Variants in HIBADH observed in about 807,000 individuals in gnomAD.
The protein encoded by HIBADH is 3-hydroxyisobutyrate dehydrogenase, also known as 3-hydroxyisobutyrate dehydrogenase, mitochondrial.
In HIBADH, 25 loss-of-function variants were observed where a neutral mutation model predicts 36.1. The ratio of observed to expected loss-of-function variants is 0.69; its 90% confidence interval spans 0.50 to 0.97. HIBADH has a LOEUF of 0.97. Among genes scored for constraint, HIBADH ranks in the 50% least tolerant of loss-of-function variants. The pLI is 0.00. For missense variants in HIBADH, 421 were observed against 418.0 expected (o/e 1.01, Z -0.06); for synonymous variants, 160 against 149.5 (o/e 1.07, Z -0.51).
At chr7:27,619,780 TAAAA>T (rs946917886) in intron 4 of HIBADH, among the ~76,000 whole-genome samples, 1 of 151,936 alleles carries the variant, frequency 6.6e-6, no homozygotes, top group Non-Finnish European at 1.5e-5. Flanking sequence ...AATAAAGAAT[TAAAA>T]AGAATGAGTA....
chr7:27,575,137 T>C (rs1212929562), intron 4 of HIBADH, among the ~76,000 whole-genome samples: 2 of 152,222 alleles, frequency 1.3e-5, no homozygotes, highest in African/African-American at 2.4e-5. Context: ...CCAGATACTC[T>C]GCCAAATAGG....
chr7:27,650,730 AG>A lies in HIBADH; in HGVS notation c.92-1098del, dbSNP rs1219655822. ...CTGCCATTAAAAAAAAAAAAAAAAA[AG>A]CCTTAAAAACTACACAGGTTTTATT... On this transcript the variant is annotated intron_variant, in intron 1 of 7. Coordinates refer to ENST00000265395, the MANE Select transcript of HIBADH (RefSeq NM_152740.4). Among the ~76,000 whole-genome samples the A allele has an allele frequency of 5.9e-4, 64 of 108,648 alleles. No individual in the cohort carries two copies. In the East Asian group the frequency reaches 9.5e-3, roughly 16 times the overall value. 71.3% of individuals were successfully genotyped at this position (108,648 alleles called of 152,430 possible).
chr7:27,540,657 C>T (rs1321128020), intron 5 of HIBADH, among the ~76,000 whole-genome samples: 1 of 152,148 alleles, frequency 6.6e-6, no homozygotes, highest in Non-Finnish European at 1.5e-5. Context: ...TCCACAGTGA[C>T]AATCCTTCCC....
intron 4 of HIBADH, among the ~76,000 whole-genome samples, chr7:27,621,260 T>C (rs1785536885): frequency 6.6e-6 from 1 of 151,998 alleles, no homozygotes; most frequent in Non-Finnish European, 1.5e-5. Flanking sequence ...GAAAGAGAGA[T>C]CCAATAATAG....
intron 4 of HIBADH, among the ~76,000 whole-genome samples, chr7:27,545,821 TA>T (rs1358170933): frequency 5.9e-5 from 9 of 152,216 alleles, no homozygotes; most frequent in African/African-American, 2.2e-4. Context: ...TCCTCCATTA[TA>T]AACTTCCTAA....
intron 7 of HIBADH, among the ~76,000 whole-genome samples, chr7:27,530,298 C>G (rs13241127): frequency 0.15 from 23,412 of 152,008 alleles, 1,987 homozygotes; most frequent in Middle Eastern, 0.2. Context: ...CTCCACCTCC[C>G]GGGTTCAAGC....
chr7:27,597,412 C>T (rs140220032), intron 4 of HIBADH, among the ~76,000 whole-genome samples: 2,021 of 150,740 alleles, frequency 0.013, 15 homozygotes, highest in Middle Eastern at 0.034. Flanking sequence ...TTATTGGGTA[C>T]CAAAGTGTAG....
At position 27,621,728 on chromosome 7, in the gene HIBADH, G is replaced by A. The variant is rs527250894; in HGVS notation, c.484+7643C>T. Among the ~76,000 whole-genome samples the A allele has an allele frequency of 4.6e-4, 70 of 152,300 alleles. 1 individual carries two copies. In the South Asian group the frequency reaches 7.5e-3, roughly 16 times the overall value. On this transcript the variant is annotated intron_variant, in intron 4 of 7. Transcript: ENST00000265395. ...AATCGCTTGAACCTGGGATGTGGAG[G>A]TTGCAGTGAGCCGGGATGGCACCAC...
At chr7:27,588,431 T>C (rs77458801) in intron 4 of HIBADH, among the ~76,000 whole-genome samples, 32 of 152,286 alleles carry the variant, frequency 2.1e-4, no homozygotes, top group Admixed American at 1.9e-3. Context: ...TGGGCTCAAG[T>C]GATCCTCCTG....
At chr7:27,616,737 C>T (rs1167368839) in intron 4 of HIBADH, among the ~76,000 whole-genome samples, 1 of 152,016 alleles carries the variant, frequency 6.6e-6, no homozygotes, top group Non-Finnish European at 1.5e-5. Context: ...GCTGGAATTA[C>T]AGGCATGAGC....
At chr7:27,618,036 T>G (rs1167515148) in intron 4 of HIBADH, among the ~76,000 whole-genome samples, 1 of 152,206 alleles carries the variant, frequency 6.6e-6, no homozygotes, top group African/African-American at 2.4e-5. Flanking sequence ...TGTCTGGGGC[T>G]GTGAGAAATG....
chr7:27,530,673 GAGA>G (rs1218045777), intron 7 of HIBADH, among the ~76,000 whole-genome samples: 9 of 152,126 alleles, frequency 5.9e-5, no homozygotes, highest in African/African-American at 1.7e-4. Context: ...TCTCAAATAA[GAGA>G]AGGATGACAG....
At chr7:27,657,829 A>G (rs770443603) in intron 1 of HIBADH, among the ~76,000 whole-genome samples, 2 of 152,200 alleles carry the variant, frequency 1.3e-5, no homozygotes, top group Non-Finnish European at 2.9e-5. Flanking sequence ...CAAGTTACTT[A>G]ACTTCTCTAG....
chr7:27,607,928 C>T (rs569878898), intron 4 of HIBADH, among the ~76,000 whole-genome samples: 1 of 152,262 alleles, frequency 6.6e-6, no homozygotes, highest in East Asian at 1.9e-4. Flanking sequence ...AATATATGGA[C>T]ATAGTACATT....
intron 5 of HIBADH, among the ~76,000 whole-genome samples, chr7:27,542,438 GTTTTTTTTTT>G (rs150575250): frequency 1.5e-5 from 1 of 68,138 alleles, no homozygotes; most frequent in Non-Finnish European, 2.5e-5. Flanking sequence ...TTTTTTTCCC[GTTTTTTTTTT>G]TTTTTTTTTT....
chr7:27,617,955 T>G (rs1202490749), intron 4 of HIBADH, among the ~76,000 whole-genome samples: 2 of 152,114 alleles, frequency 1.3e-5, no homozygotes, highest in Non-Finnish European at 2.9e-5. Flanking sequence ...AAAAAAATGG[T>G]GCAGTGCGCT....
At chr7:27,573,854 T>TGAAATTATGTTTTTGATATA (rs1434916152) in intron 4 of HIBADH, among the ~76,000 whole-genome samples, 1 of 152,230 alleles carries the variant, frequency 6.6e-6, no homozygotes, top group African/African-American at 2.4e-5. Flanking sequence ...GATTACATGT[T>TGAAATTATGTTTTTGATATA]GAAATTATGT....
At chr7:27,554,231 T>C (rs1176863426) in intron 4 of HIBADH, among the ~76,000 whole-genome samples, 2 of 152,050 alleles carry the variant, frequency 1.3e-5, no homozygotes, top group African/African-American at 2.4e-5. Flanking sequence ...GGTGATCCAC[T>C]TGCCTCAGCC....
intron 4 of HIBADH, among the ~76,000 whole-genome samples, chr7:27,558,634 C>T (rs185628956): frequency 6.6e-6 from 1 of 152,110 alleles, no homozygotes; most frequent in Non-Finnish European, 1.5e-5. Context: ...GAGGTTGAGG[C>T]TGTAGTGAGC....
Sources: allele counts gnomAD v4.1 joint callset (sites outside exome capture counted in the v4.1 genomes callset), GRCh38; gene constraint gnomAD v4.1.1; transcripts MANE v1.5; gene names NCBI Gene and HGNC (gene_info 2026-07-23, HGNC 2026-07-21).